ZNF385D: variants seen among roughly 807,000 people sequenced by gnomAD.
ZNF385D encodes zinc finger protein 659.
In ZNF385D, 15 loss-of-function variants were observed where a neutral mutation model predicts 35.8. The ratio of observed to expected loss-of-function variants is 0.42; its 90% CI spans 0.28 to 0.64. The LOEUF (loss-of-function observed/expected upper bound fraction) is 0.64, where lower values mean the gene tolerates loss of function less well. ZNF385D is among the 30% of genes least tolerant of loss of function. The pLI is 0.23. For missense variants in ZNF385D, 474 were observed against 494.6 expected (o/e 0.96, Z 0.39); for synonymous variants, 212 against 186.8 (o/e 1.13, Z -1.10).
chr3:22,151,304 CAGAGAAAG>C (rs1236391558), intron 3 of ZNF385D, among the ~76,000 whole-genome samples: 2 of 152,022 alleles, frequency 1.3e-5, no homozygotes, highest in Non-Finnish European at 2.9e-5. Context: ...AATCAAGAAT[CAGAGAAAG>C]AGAGAAAGAA....
At chr3:22,057,175 G>C (rs183795206) in intron 3 of ZNF385D, among the ~76,000 whole-genome samples, 2 of 152,294 alleles carry the variant, frequency 1.3e-5, no homozygotes, top group Non-Finnish European at 2.9e-5. Flanking sequence ...TTAAAGTCTA[G>C]CTAATCTACT....
intron 3 of ZNF385D, among the ~76,000 whole-genome samples, chr3:21,784,085 G>C (rs541297806): frequency 1.3e-5 from 2 of 152,206 alleles, no homozygotes; most frequent in Non-Finnish European, 1.5e-5. Flanking sequence ...GTGCTTATCA[G>C]TCTCCTGTAA....
chr3:22,199,197 C>G (rs779337085), intron 2 of ZNF385D, among the ~76,000 whole-genome samples: 1 of 152,054 alleles, frequency 6.6e-6, no homozygotes, highest in Non-Finnish European at 1.5e-5. Flanking sequence ...GTTTTAGTTT[C>G]TGTCCCCTCC....
intron 2 of ZNF385D, among the ~76,000 whole-genome samples, chr3:22,336,567 C>T (rs952737344): frequency 1.8e-4 from 27 of 152,076 alleles, no homozygotes; most frequent in African/African-American, 5.5e-4. Flanking sequence ...GTATTTTTAT[C>T]TTGTCACATC....
chr3:21,575,398 G>T (rs1474253816), intron 2 of ZNF385D, among the ~76,000 whole-genome samples: 1 of 152,088 alleles, frequency 6.6e-6, no homozygotes. Flanking sequence ...CTAGGGACAG[G>T]CTTATTTCTA....
At chr3:21,887,553 G>A (rs1350755519) in intron 3 of ZNF385D, among the ~76,000 whole-genome samples, 1 of 151,938 alleles carries the variant, frequency 6.6e-6, no homozygotes, top group Non-Finnish European at 1.5e-5. Flanking sequence ...TGAGTATTAG[G>A]GAGGCAAATG....
Position 21,945,020 on chromosome 3 carries a change from ATAGG to A in ZNF385D, c.325+223793_325+223796del, listed in dbSNP as rs201231078. Among the ~76,000 whole-genome samples the A allele has an allele frequency of 1.7e-3, 256 of 152,204 alleles. 1 individual carries two copies. The East Asian group carries it at 0.043, about 26-fold the overall frequency. On this transcript the variant is annotated intron_variant, in intron 3 of 5. Transcript: ENST00000494108. ...TGAAATTCTTATTTTCGATTTACAC[ATAGG>A]TAGTCTCTTAGAAAATATACATCAT... is the stretch of plus-strand genomic sequence containing the variant.
chr3:21,921,161 T>A (rs1700440570), intron 3 of ZNF385D, among the ~76,000 whole-genome samples: 1 of 140,622 alleles, frequency 7.1e-6, no homozygotes, highest in East Asian at 2.1e-4. Flanking sequence ...AGGCGGAGTT[T>A]GCAGTGAGCC....
chr3:21,936,650 C>T (rs893214288), intron 3 of ZNF385D, among the ~76,000 whole-genome samples: 28 of 151,992 alleles, frequency 1.8e-4, no homozygotes, highest in African/African-American at 6.0e-4. Flanking sequence ...TAAACTTCAT[C>T]TTATTTTACA....
At chr3:22,206,971 T>A (rs977802661) in intron 2 of ZNF385D, among the ~76,000 whole-genome samples, 1 of 151,814 alleles carries the variant, frequency 6.6e-6, no homozygotes, top group Non-Finnish European at 1.5e-5. Context: ...AATGAAAAGT[T>A]TTTTTGGATA....
intron 2 of ZNF385D, among the ~76,000 whole-genome samples, chr3:21,663,020 C>G (rs188667823): frequency 6.6e-6 from 1 of 152,052 alleles, no homozygotes; most frequent in African/African-American, 2.4e-5. Context: ...AGTTTTGTGA[C>G]CCTTCCAAGG....
intron 4 of ZNF385D, among the ~76,000 whole-genome samples, chr3:21,484,564 A>G (rs1420443419): frequency 5.3e-5 from 8 of 152,210 alleles, no homozygotes; most frequent in Non-Finnish European, 1.2e-4. Context: ...TAAAGGGTCT[A>G]GATCCATTGT....
chr3:22,078,644 T>C (rs1700587220), intron 3 of ZNF385D, among the ~76,000 whole-genome samples: 1 of 152,024 alleles, frequency 6.6e-6, no homozygotes, highest in Admixed American at 6.6e-5. Flanking sequence ...AAAACAGAAA[T>C]CTCTAATAGT....
intron 3 of ZNF385D, among the ~76,000 whole-genome samples, chr3:22,107,679 T>C (rs1321116797): frequency 6.6e-6 from 1 of 152,070 alleles, no homozygotes; most frequent in Non-Finnish European, 1.5e-5. Context: ...CAAAAGCTGT[T>C]TGCCAATTGT....
chr3:21,715,209 C>T (rs1176450587), intron 1 of ZNF385D, among the ~76,000 whole-genome samples: 1 of 152,070 alleles, frequency 6.6e-6, no homozygotes, highest in Non-Finnish European at 1.5e-5. Context: ...GTACAGTGTA[C>T]TCATTAAGTA....
intron 2 of ZNF385D, among the ~76,000 whole-genome samples, chr3:22,195,279 A>G (rs1433495870): frequency 6.6e-6 from 1 of 151,940 alleles, no homozygotes; most frequent in Non-Finnish European, 1.5e-5. Context: ...ACATATTTTA[A>G]TGTGTTTACG....
rs151059435 is a variant in ZNF385D, at chr3:21,911,946, T to G, written c.326-246918A>C. Among the ~76,000 whole-genome samples the G allele has an allele frequency of 1.4e-3, 216 of 152,040 alleles. 2 individuals carry two copies. The highest frequency in any genetic ancestry group is 5.0e-3 in the African/African-American group (208 of 41,522). ...TAATATATCAAACTAAAAATAAGCTTAAGAGTGATCTAGTACCTTAAAAAT... is the reference window on the plus strand; with the variant it reads ...TAATATATCAAACTAAAAATAAGCTGAAGAGTGATCTAGTACCTTAAAAAT... On this transcript the variant is annotated intron_variant, in intron 3 of 5. Coordinates refer to the ZNF385D transcript ENST00000494108.
intron 2 of ZNF385D, among the ~76,000 whole-genome samples, chr3:22,208,540 G>A (rs895674886): frequency 6.6e-6 from 1 of 151,482 alleles, no homozygotes; most frequent in Non-Finnish European, 1.5e-5. Context: ...AATAATAATT[G>A]TACATTGTAA....
rs201539457 is a variant in ZNF385D, at chr3:21,578,157, GCA to G, written c.166-13475_166-13474del. 9.7e-4 allele frequency among the ~76,000 whole-genome samples: 147 copies of G among 152,072 alleles called. 2 individuals are homozygous for G. The highest frequency in any genetic ancestry group is 8.2e-3 in the Admixed American group (125 of 15,272). On this transcript the variant is annotated intron_variant, in intron 2 of 7. Transcript: ENST00000281523. ...AGAGAAATGTCTATTCAAGTCATTT[GCA>G]CATTTTTTTAATTGGATTAATTTTT...
Sources: gnomAD v4.1 joint callset for allele counts (sites outside exome capture counted in the v4.1 genomes callset) on GRCh38, gnomAD v4.1.1 for gene constraint, MANE v1.5 for transcripts, NCBI Gene and HGNC (gene_info 2026-07-23, HGNC 2026-07-21) for gene names.